The following KCNH5 variants were observed in gnomAD, a reference collection of about 807,000 sequenced individuals.
KCNH5 encodes potassium voltage-gated channel subfamily H member 5, also known as voltage-gated delayed rectifier potassium channel KCNH5.
KCNH5 carries 46 observed loss-of-function variants against 96.1 expected under a neutral mutation model. The ratio of observed to expected loss-of-function variants is 0.48; its 90% CI spans 0.38 to 0.61. The LOEUF (loss-of-function observed/expected upper bound fraction) is 0.61. Ranked by LOEUF, KCNH5 falls within the 20% of genes least tolerant of loss-of-function variation. KCNH5 has a pLI of 0.00. For synonymous variants in KCNH5, 439 were observed against 449.8 expected (o/e 0.98, Z 0.30); for missense variants, 907 against 1,225.8 (o/e 0.74, Z 3.88).
At chr14:62,963,227 C>T (rs1442538938) in intron 6 of KCNH5, among the ~76,000 whole-genome samples, 1 of 152,062 alleles carries the variant, frequency 6.6e-6, no homozygotes, top group African/African-American at 2.4e-5. Context: ...TCTTACTGTG[C>T]CTAATTTATA....
chr14:62,724,486 A>C (rs957046647), intron 10 of KCNH5, among the ~76,000 whole-genome samples: 6 of 152,242 alleles, frequency 3.9e-5, no homozygotes, highest in African/African-American at 1.2e-4. Context: ...ACTTCTTGCT[A>C]AAAGATAACA....
chr14:62,818,109 C>CGGGG (rs561437417), intron 8 of KCNH5, among the ~76,000 whole-genome samples: 6 of 36,116 alleles, frequency 1.7e-4, no homozygotes, highest in African/African-American at 5.2e-4. Context: ...GAGCTGGGGG[C>CGGGG]GGGGGGGGGG....
At chr14:62,955,000 G>A (rs1890076147) in intron 6 of KCNH5, among the ~76,000 whole-genome samples, 1 of 151,768 alleles carries the variant, frequency 6.6e-6, no homozygotes, top group Non-Finnish European at 1.5e-5. Context: ...AATTTAAGAT[G>A]AGATTTGGGT....
At chr14:62,801,494 T>C (rs1414330254) in intron 9 of KCNH5, among the ~76,000 whole-genome samples, 2 of 148,280 alleles carry the variant, frequency 1.3e-5, no homozygotes, top group African/African-American at 4.9e-5. Flanking sequence ...AAAGGTCATT[T>C]GGCAATTTTT....
chr14:62,708,256 G>A lies in KCNH5; in HGVS notation c.2219C>T (p.Ser740Phe). 3 of 1,614,188 alleles carry A rather than the reference G, an allele frequency of 1.9e-6. No individual in the cohort carries two copies. The highest frequency in any genetic ancestry group is 2.5e-6 in the Non-Finnish European group (3 of 1,180,032). ...ERNQLQVESR[S>F]LQNGASITGT... Reference sequence around the variant, plus strand: ...GGTGATGGAGGCTCCATTCTGTAAGGAGCGGCTCTCTACCTGGAGTTGGTT... The same window carrying A: ...GGTGATGGAGGCTCCATTCTGTAAGAAGCGGCTCTCTACCTGGAGTTGGTT... Residue 740 changes from serine (S) to phenylalanine (F), a missense_variant, in exon 11 of 11, where the codon TCC becomes TTC. Ser to Phe is a radical substitution (Grantham distance 155). Around this residue, in one of 6 missense-constraint regions of KCNH5, gnomAD observed 362 missense variants for 394.4 expected, o/e 0.92. Transcript: ENST00000322893.
At chr14:62,806,523 A>C (rs1179131436) in intron 8 of KCNH5, among the ~76,000 whole-genome samples, 2 of 152,070 alleles carry the variant, frequency 1.3e-5, no homozygotes, top group African/African-American at 4.8e-5. Context: ...TGAACTACAG[A>C]AGGGACGATA....
At chr14:62,890,758 G>C (rs1253127843) in intron 7 of KCNH5, among the ~76,000 whole-genome samples, 2 of 147,428 alleles carry the variant, frequency 1.4e-5, no homozygotes, top group African/African-American at 5.0e-5. Flanking sequence ...TTCAAAAGAA[G>C]AGATACATGC....
chr14:62,803,548 C>A (rs541276109), intron 8 of KCNH5, among the ~76,000 whole-genome samples: 1 of 152,140 alleles, frequency 6.6e-6, no homozygotes, highest in Non-Finnish European at 1.5e-5. Context: ...CTTGTTCATT[C>A]TGGTCTCTGA....
At chr14:62,793,364 G>T (rs1457266518) in intron 9 of KCNH5, among the ~76,000 whole-genome samples, 2 of 151,772 alleles carry the variant, frequency 1.3e-5, no homozygotes, top group Non-Finnish European at 3.0e-5. Context: ...CTATTACCTT[G>T]ATTATGGTAA....
chr14:62,914,934 G>T (rs1444685976), intron 7 of KCNH5, among the ~76,000 whole-genome samples: 1 of 152,212 alleles, frequency 6.6e-6, no homozygotes, highest in Non-Finnish European at 1.5e-5. Flanking sequence ...CATTCCCAAT[G>T]GATTTGGGAT....
chr14:62,894,637 T>C (rs1888776167), intron 7 of KCNH5, among the ~76,000 whole-genome samples: 2 of 152,208 alleles, frequency 1.3e-5, no homozygotes, highest in African/African-American at 2.4e-5. Flanking sequence ...ATTTCTACTA[T>C]ATTAACATCC....
chr14:62,940,528 C>A (rs1889767358), intron 7 of KCNH5, among the ~76,000 whole-genome samples: 2 of 152,178 alleles, frequency 1.3e-5, no homozygotes, highest in Admixed American at 1.3e-4. Flanking sequence ...AAGGCAAACT[C>A]CTTGTGAAGC....
At chr14:62,728,774 T>C (rs1336457117) in intron 10 of KCNH5, among the ~76,000 whole-genome samples, 6 of 152,196 alleles carry the variant, frequency 3.9e-5, no homozygotes, top group African/African-American at 1.4e-4. Context: ...AACTTTGAAG[T>C]GTAACTGATA....
intron 6 of KCNH5, among the ~76,000 whole-genome samples, chr14:62,965,066 C>T (rs1167119968): frequency 1.3e-5 from 2 of 151,946 alleles, no homozygotes; most frequent in African/African-American, 4.8e-5. Flanking sequence ...TAAAGGAGTA[C>T]CTCAATATAT....
intron 1 of KCNH5, among the ~76,000 whole-genome samples, chr14:63,021,446 A>G (rs749340870): frequency 1.3e-5 from 2 of 152,122 alleles, no homozygotes; most frequent in Non-Finnish European, 2.9e-5. Context: ...GCTGCCCACT[A>G]TTCACTTGAA....
At chr14:62,805,527 C>A (rs903401750) in intron 8 of KCNH5, among the ~76,000 whole-genome samples, 7 of 152,084 alleles carry the variant, frequency 4.6e-5, no homozygotes, top group African/African-American at 1.7e-4. Flanking sequence ...TTTTTGTCAT[C>A]AAAATATAAG....
At chr14:62,711,277 A>T (rs1180333328) in intron 10 of KCNH5, among the ~76,000 whole-genome samples, 1 of 148,632 alleles carries the variant, frequency 6.7e-6, no homozygotes, top group African/African-American at 2.5e-5. Context: ...GCTACTATTT[A>T]GCTAGAAACA....
intron 7 of KCNH5, among the ~76,000 whole-genome samples, chr14:62,861,643 C>T (rs1375705944): frequency 1.7e-5 from 2 of 118,240 alleles, no homozygotes; most frequent in Admixed American, 2.0e-4. Context: ...CATTTACACA[C>T]ACACACACAC....
At chr14:62,888,080 C>T (rs549304224) in intron 7 of KCNH5, among the ~76,000 whole-genome samples, 12 of 152,312 alleles carry the variant, frequency 7.9e-5, no homozygotes, top group Admixed American at 3.9e-4. Context: ...CATGCTAATT[C>T]CCAATCAAGA....
Sources: allele counts gnomAD v4.1 joint callset (sites outside exome capture counted in the v4.1 genomes callset), GRCh38; gene constraint gnomAD v4.1.1; regional missense constraint gnomAD v4.1.1; transcripts MANE v1.5; gene names NCBI Gene and HGNC (gene_info 2026-07-23, HGNC 2026-07-21).